PRDM16: variants seen among roughly 807,000 people sequenced by gnomAD.
The protein encoded by PRDM16 is PR/SET domain 16.
In PRDM16, 23 loss-of-function variants were observed where a neutral mutation model predicts 110.6. The observed-to-expected ratio is 0.21, with a 90% confidence interval of 0.15 to 0.29. The LOEUF (loss-of-function observed/expected upper bound fraction) is 0.29, where lower values mean the gene tolerates loss of function less well. PRDM16 is among the 10% of genes least tolerant of loss of function. The pLI, the probability that PRDM16 is intolerant of heterozygous loss-of-function variation, is 1.00. For missense variants in PRDM16, 1,615 were observed against 1,794.3 expected (o/e 0.90, Z 1.81); for synonymous variants, 799 against 781.8 (o/e 1.02, Z -0.37).
intron 8 of PRDM16, among the ~76,000 whole-genome samples, chr1:3,406,812 G>A (rs1643570635): frequency 6.6e-6 from 1 of 152,232 alleles, no homozygotes; most frequent in Non-Finnish European, 1.5e-5. Flanking sequence ...GTGGGCCAGT[G>A]CAGGGACTAT....
chr1:3,164,810 G>T (rs1232989274), intron 1 of PRDM16, among the ~76,000 whole-genome samples: 1 of 152,102 alleles, frequency 6.6e-6, no homozygotes, highest in East Asian at 1.9e-4. Context: ...AATGGAGGTC[G>T]CAGTGCTCCA....
At chr1:3,262,985 G>C (rs946667263) in intron 3 of PRDM16, among the ~76,000 whole-genome samples, 2 of 152,188 alleles carry the variant, frequency 1.3e-5, no homozygotes, top group Admixed American at 1.3e-4. Context: ...CAGGGCCATA[G>C]AGAGGGTCTG....
At chr1:3,096,317 A>AC (rs891826163) in intron 1 of PRDM16, among the ~76,000 whole-genome samples, 1 of 151,396 alleles carries the variant, frequency 6.6e-6, no homozygotes, top group Admixed American at 6.6e-5. Flanking sequence ...TAGCCCCAGA[A>AC]CCCCGCGGGC....
intron 3 of PRDM16, among the ~76,000 whole-genome samples, chr1:3,283,380 C>G (rs534179436): frequency 1.9e-4 from 29 of 152,304 alleles, no homozygotes; most frequent in Non-Finnish European, 3.7e-4. Context: ...CTCCCTCTGT[C>G]CCTCTCTCCC....
chr1:3,259,558 C>T (rs1640118291), intron 3 of PRDM16, among the ~76,000 whole-genome samples: 1 of 152,178 alleles, frequency 6.6e-6, no homozygotes, highest in African/African-American at 2.4e-5. Flanking sequence ...CACCCAAGGC[C>T]ACATAGGCAG....
chr1:3,374,062 C>T (rs1414219102), intron 3 of PRDM16, among the ~76,000 whole-genome samples: 1 of 152,228 alleles, frequency 6.6e-6, no homozygotes, highest in East Asian at 1.9e-4. Context: ...TCCCCATACC[C>T]TCCTGGAGGG....
At chr1:3,135,083 G>T (rs1643409908) in intron 1 of PRDM16, among the ~76,000 whole-genome samples, 1 of 152,264 alleles carries the variant, frequency 6.6e-6, no homozygotes, top group African/African-American at 2.4e-5. Flanking sequence ...CTTCTGGAAG[G>T]AAGGGCACTT....
At chr1:3,088,738 C>T (rs1370752702) in intron 1 of PRDM16, among the ~76,000 whole-genome samples, 15 of 150,252 alleles carry the variant, frequency 1.0e-4, no homozygotes, top group Non-Finnish European at 5.9e-5. Context: ...GCGTGAGTCA[C>T]GGCGCCCGGC....
At chr1:3,336,481 C>T (rs1642153887) in intron 3 of PRDM16, among the ~76,000 whole-genome samples, 1 of 151,636 alleles carries the variant, frequency 6.6e-6, no homozygotes, top group Non-Finnish European at 1.5e-5. Context: ...CATACATACA[C>T]ATGTGTGTTG....
In PRDM16 at chr1:3,418,654, C is replaced by T. The variant is rs1638340711; in HGVS notation, c.2862-13C>T. The T allele has an allele frequency of 6.3e-7, 1 of 1,585,730 alleles. No individual in the cohort carries two copies. Among genetic ancestry groups the T allele is most frequent in the Non-Finnish European group, 8.7e-7 (1 of 1,154,542 alleles). ...TAATCCTCCCTCACCCTCCCCACCT[C>T]CCTCCACCCCAGGTACTGTGGGAAG... On this transcript the variant is annotated splice_polypyrimidine_tract_variant and intron_variant, in intron 11 of 16. Transcript: ENST00000270722.
At chr1:3,349,591 G>T (rs1162419142) in intron 3 of PRDM16, among the ~76,000 whole-genome samples, 2 of 152,194 alleles carry the variant, frequency 1.3e-5, no homozygotes, top group Non-Finnish European at 2.9e-5. Flanking sequence ...TTTCCCACTG[G>T]CTGGTGTGCT....
chr1:3,367,969 A>C (rs1281443809), intron 3 of PRDM16, among the ~76,000 whole-genome samples: 1 of 152,208 alleles, frequency 6.6e-6, no homozygotes, highest in African/African-American at 2.4e-5. Flanking sequence ...ACTTAACGTA[A>C]AAGTAAAGTC....
intron 1 of PRDM16, among the ~76,000 whole-genome samples, chr1:3,141,587 C>T (rs551318922): frequency 1.2e-4 from 19 of 152,224 alleles, no homozygotes; most frequent in Admixed American, 3.3e-4. Flanking sequence ...CCTTCTGGGC[C>T]GCCCCACCTG....
At chr1:3,373,597 G>A (rs187135140) in intron 3 of PRDM16, among the ~76,000 whole-genome samples, 7 of 152,314 alleles carry the variant, frequency 4.6e-5, no homozygotes, top group African/African-American at 1.4e-4. Context: ...TCAACCTGGC[G>A]TGACAGACTT....
At chr1:3,415,644 C>A (rs186693094) in intron 10 of PRDM16, among the ~76,000 whole-genome samples, 1 of 152,368 alleles carries the variant, frequency 6.6e-6, no homozygotes, top group East Asian at 1.9e-4. Flanking sequence ...AATATCTGAT[C>A]GGGCGGAGCA....
chr1:3,101,298 G>A (rs1221215588), intron 1 of PRDM16, among the ~76,000 whole-genome samples: 1 of 152,236 alleles, frequency 6.6e-6, no homozygotes, highest in African/African-American at 2.4e-5. Flanking sequence ...AGCCTGAGAT[G>A]AGGGCCGCGA....
In PRDM16 at chr1:3,335,117, G is replaced by A. The variant is rs553936239; in HGVS notation, c.439-50035G>A. On this transcript the variant is annotated intron_variant, in intron 3 of 16. Coordinates refer to ENST00000270722, the MANE Select transcript of PRDM16 (RefSeq NM_022114.4). Reference sequence around the variant, plus strand: ...GAGGGTGGGCGCCCTGAGAGAACTCGCTTCAAGGCCCCTGTCCCTGCCTGG... The same window carrying A: ...GAGGGTGGGCGCCCTGAGAGAACTCACTTCAAGGCCCCTGTCCCTGCCTGG... Among the ~76,000 whole-genome samples the A allele has an allele frequency of 1.7e-4, 26 of 152,322 alleles. No homozygotes were observed. The South Asian group carries it at 3.7e-3, about 22-fold the overall frequency.
At chr1:3,228,847 C>T (rs981434371) in intron 2 of PRDM16, among the ~76,000 whole-genome samples, 9 of 152,318 alleles carry the variant, frequency 5.9e-5, no homozygotes, top group African/African-American at 2.2e-4. Flanking sequence ...CTGAACGGGA[C>T]GCGCTGAGCC....
rs74366083 is a variant in PRDM16 at position 3,120,150 on chromosome 1, G to A, written c.37+50854G>A. Among the ~76,000 whole-genome samples the A allele has an allele frequency of 4.9e-3, 729 of 150,018 alleles. 7 individuals carry two copies. Among genetic ancestry groups the A allele is most frequent in the African/African-American group, 0.017 (658 of 39,776 alleles). On this transcript the variant is annotated intron_variant, in intron 1 of 16. Transcript: ENST00000270722. The stretch of plus-strand genomic sequence containing the variant: ...GGGGATGGCAGGGTCAGCCCTCACC[G>A]TCGGCAGAGTTATCAGTTCGCAGCT...
Sources: gnomAD v4.1 joint callset for allele counts (sites outside exome capture counted in the v4.1 genomes callset) on GRCh38, gnomAD v4.1.1 for gene constraint, MANE v1.5 for transcripts, NCBI Gene and HGNC (gene_info 2026-07-23, HGNC 2026-07-21) for gene names.